Variants in KCNAB1 observed in about 807,000 individuals in gnomAD.
The protein encoded by KCNAB1 is voltage-gated potassium channel subunit beta-1.
Under a neutral mutation model 64.6 loss-of-function variants are expected in KCNAB1, and 35 were observed. The ratio of observed to expected loss-of-function variants is 0.54; its 90% CI spans 0.41 to 0.72. KCNAB1 has a LOEUF of 0.72. Among genes scored for constraint, KCNAB1 ranks in the 30% least tolerant of loss-of-function variants. KCNAB1 has a pLI of 0.00. For synonymous variants in KCNAB1, 177 were observed against 183.8 expected, an observed-to-expected ratio of 0.96 and a Z score of 0.30; for missense variants, 401 against 512.9, an observed-to-expected ratio of 0.78 and a Z score of 2.11.
rs1293932031 is a variant in KCNAB1, at chr3:156,537,868, T to TATG, written c.*1122_*1124dup. On this transcript the variant is annotated 3_prime_UTR_variant, in exon 14 of 14. Coordinates refer to ENST00000490337, the MANE Select transcript of KCNAB1 (RefSeq NM_172160.3). The stretch of plus-strand genomic sequence containing the variant: ...CAACCACTGGCTTTGTGAAAAATGC[T>TATG]ATGTCACTATTCAGAATATGCTGGG... 1 of 152,442 alleles carries TATG rather than the reference T, an allele frequency of 6.6e-6. No individual in the cohort carries two copies. Among genetic ancestry groups the TATG allele is most frequent in the African/African-American group, 2.4e-5 (1 of 41,456 alleles). 9.4% of individuals were successfully genotyped at this position (152,442 alleles called of 1,614,324 possible).
chr3:156,444,616 C>T (rs1717265466), intron 2 of KCNAB1, among the ~76,000 whole-genome samples: 1 of 152,232 alleles, frequency 6.6e-6, no homozygotes, highest in Non-Finnish European at 1.5e-5. Context: ...AGGGTATCTT[C>T]ATTCCATGCC....
At chr3:156,332,284 T>C (rs1027042782) in intron 1 of KCNAB1, among the ~76,000 whole-genome samples, 2 of 152,146 alleles carry the variant, frequency 1.3e-5, no homozygotes, top group Admixed American at 6.6e-5. Context: ...GCATAAATAG[T>C]TTGATGCCCA....
At chr3:156,342,551 G>A (rs1724190348) in intron 1 of KCNAB1, among the ~76,000 whole-genome samples, 1 of 148,548 alleles carries the variant, frequency 6.7e-6, no homozygotes, top group African/African-American at 2.5e-5. Context: ...ATGGGGCTTG[G>A]ACATTGGAAT....
At chr3:156,358,451 G>T (rs1249058253) in intron 1 of KCNAB1, among the ~76,000 whole-genome samples, 1 of 152,138 alleles carries the variant, frequency 6.6e-6, no homozygotes, top group Non-Finnish European at 1.5e-5. Flanking sequence ...GAGGAAACCT[G>T]CTCGCTCACC....
chr3:156,298,968 G>C (rs1289441180), intron 1 of KCNAB1, among the ~76,000 whole-genome samples: 2 of 152,204 alleles, frequency 1.3e-5, no homozygotes, highest in Non-Finnish European at 2.9e-5. Flanking sequence ...TTAATACTAT[G>C]TGATCACCAG....
chr3:156,510,192 A>G (rs1270390065), intron 8 of KCNAB1, among the ~76,000 whole-genome samples: 1 of 152,234 alleles, frequency 6.6e-6, no homozygotes, highest in Non-Finnish European at 1.5e-5. Flanking sequence ...AGCAACAAAA[A>G]GACCTGAGGC....
intron 1 of KCNAB1, among the ~76,000 whole-genome samples, chr3:156,181,410 G>A (rs1333488937): frequency 1.3e-5 from 2 of 152,228 alleles, no homozygotes; most frequent in Non-Finnish European, 2.9e-5. Context: ...AGGGTGAGGA[G>A]TTGATGCTTA....
chr3:156,450,053 T>C (rs1304117601), intron 2 of KCNAB1, among the ~76,000 whole-genome samples: 1 of 152,226 alleles, frequency 6.6e-6, no homozygotes, highest in Non-Finnish European at 1.5e-5. Flanking sequence ...CTCAGAGACA[T>C]AGAAGAATAG....
chr3:156,516,026 A>G (rs1326618458), intron 10 of KCNAB1, among the ~76,000 whole-genome samples: 5 of 151,896 alleles, frequency 3.3e-5, no homozygotes, highest in Non-Finnish European at 5.9e-5. Context: ...CACATTTTTC[A>G]GGCTTTCTGA....
chr3:156,385,603 A>C (rs1712527278), intron 1 of KCNAB1, among the ~76,000 whole-genome samples: 1 of 152,214 alleles, frequency 6.6e-6, no homozygotes, highest in Admixed American at 6.5e-5. Flanking sequence ...ACAAAAGCAA[A>C]ATAAATTATA....
chr3:156,223,313 T>C (rs1576621045), intron 1 of KCNAB1, among the ~76,000 whole-genome samples: 1 of 152,356 alleles, frequency 6.6e-6, no homozygotes, highest in South Asian at 2.1e-4. Context: ...CCCAAGCAGG[T>C]TGCCATTGCT....
chr3:156,516,308 A>G lies in KCNAB1; in HGVS notation c.904A>G (p.Ile302Val). 1 of 1,614,108 alleles carries G rather than the reference A, an allele frequency of 6.2e-7. No homozygotes were observed. The highest frequency in any genetic ancestry group is 8.5e-7 in the Non-Finnish European group (1 of 1,179,956). ...GACATGGTCTCCACTTGCCTGTGGA[A>G]TCATCTCAGGAAAATACGGAAACGG... ...AMTWSPLACG[I>V]ISGKYGNGVP... The change falls in exon 11 of 14, where the codon ATC becomes GTC. Residue 302 changes from isoleucine to valine, a missense_variant. Physicochemically the swap from Ile to Val is conservative, Grantham distance 29. Coordinates refer to ENST00000490337, the MANE Select transcript of KCNAB1 (RefSeq NM_172160.3).
intron 1 of KCNAB1, among the ~76,000 whole-genome samples, chr3:156,244,811 T>C (rs1391763324): frequency 1.3e-5 from 2 of 152,098 alleles, no homozygotes; most frequent in Admixed American, 6.6e-5. Context: ...ATAATGAAAA[T>C]AGTAGAGGGG....
chr3:156,275,846 C>A (rs1274031285), intron 1 of KCNAB1, among the ~76,000 whole-genome samples: 2 of 152,110 alleles, frequency 1.3e-5, no homozygotes, highest in Non-Finnish European at 1.5e-5. Flanking sequence ...GTCTTGAACC[C>A]CTCAAAGTCA....
At chr3:156,121,422 A>G (rs1713338937) in intron 1 of KCNAB1, among the ~76,000 whole-genome samples, 1 of 152,172 alleles carries the variant, frequency 6.6e-6, no homozygotes, top group South Asian at 2.1e-4. Flanking sequence ...GACAGATAAC[A>G]TCAGGAGAAA....
At chr3:156,489,145 A>G (rs367635372) in intron 8 of KCNAB1, among the ~76,000 whole-genome samples, 2 of 152,150 alleles carry the variant, frequency 1.3e-5, no homozygotes, top group African/African-American at 2.4e-5. Context: ...GGATGAAGGC[A>G]TAAATTTGGG....
chr3:156,499,511 C>T (rs1420869972), intron 8 of KCNAB1, among the ~76,000 whole-genome samples: 2 of 151,876 alleles, frequency 1.3e-5, no homozygotes, highest in African/African-American at 4.8e-5. Context: ...TTTTTGAGGT[C>T]CCTTCATATT....
intron 1 of KCNAB1, among the ~76,000 whole-genome samples, chr3:156,376,439 A>G (rs1245630980): frequency 6.6e-6 from 1 of 152,240 alleles, no homozygotes; most frequent in Admixed American, 6.5e-5. Context: ...AAGACTGAAG[A>G]GGACAATTTG....
intron 1 of KCNAB1, among the ~76,000 whole-genome samples, chr3:156,323,133 A>G (rs1250109498): frequency 1.3e-5 from 2 of 152,068 alleles, no homozygotes; most frequent in Non-Finnish European, 2.9e-5. Context: ...TTGACTCCTA[A>G]ATTCTTCTTA....
Sources: gnomAD v4.1 joint callset for allele counts (sites outside exome capture counted in the v4.1 genomes callset) on GRCh38, gnomAD v4.1.1 for gene constraint, MANE v1.5 for transcripts, NCBI Gene and HGNC (gene_info 2026-07-23, HGNC 2026-07-21) for gene names.